HMGA2: variants seen among roughly 807,000 people sequenced by gnomAD.
HMGA2 encodes the protein high mobility group AT-hook 2.
In HMGA2, 8 loss-of-function variants were observed where a neutral mutation model predicts 19.1. The ratio of observed to expected loss-of-function variants is 0.42; its 90% CI spans 0.25 to 0.76. The LOEUF is 0.76. Ranked by LOEUF, HMGA2 falls within the 30% of genes least tolerant of loss-of-function variation. The probability of loss-of-function intolerance (pLI) is 0.28; values close to 1 mark genes in which losing one functional copy is unlikely to be tolerated. For synonymous variants in HMGA2, 60 were observed against 48.8 expected, an observed-to-expected ratio of 1.23 and a Z score of -0.96; for missense variants, 109 against 136.3, an observed-to-expected ratio of 0.80 and a Z score of 1.00.
intron 3 of HMGA2, among the ~76,000 whole-genome samples, chr12:65,855,452 T>TCACACACA (rs1259566976): frequency 7.5e-5 from 8 of 107,140 alleles, no homozygotes; most frequent in African/African-American, 2.9e-4. Flanking sequence ...TCTCTCTCTC[T>TCACACACA]CTCTCTCACA....
chr12:65,944,053 T>G (rs1876178699), intron 3 of HMGA2, among the ~76,000 whole-genome samples: 2 of 152,210 alleles, frequency 1.3e-5, no homozygotes. Context: ...TAGCTGAGTC[T>G]CATCCTCACA....
intron 3 of HMGA2, among the ~76,000 whole-genome samples, chr12:65,890,686 C>G (rs1012547087): frequency 6.6e-6 from 1 of 151,716 alleles, no homozygotes; most frequent in African/African-American, 2.4e-5. Flanking sequence ...TTGGATTAAG[C>G]TGAGATTGAG....
chr12:65,888,333 A>G (rs1873746434), intron 3 of HMGA2, among the ~76,000 whole-genome samples: 3 of 151,214 alleles, frequency 2.0e-5, no homozygotes, highest in African/African-American at 7.3e-5. Context: ...GTGTGCGCCT[A>G]TGATCCCAGC....
chr12:65,832,148 T>C (rs1191936164), intron 2 of HMGA2, among the ~76,000 whole-genome samples: 1 of 151,992 alleles, frequency 6.6e-6, no homozygotes, highest in Non-Finnish European at 1.5e-5. Context: ...TCTTGATATT[T>C]AGGCTGACTT....
chr12:65,921,308 G>A (rs1317864421), intron 3 of HMGA2, among the ~76,000 whole-genome samples: 1 of 152,202 alleles, frequency 6.6e-6, no homozygotes, highest in African/African-American at 2.4e-5. Flanking sequence ...CACCCAGGCT[G>A]GAGTGCAGTG....
At chr12:65,868,146 C>A (rs1361701722) in intron 3 of HMGA2, among the ~76,000 whole-genome samples, 2 of 152,172 alleles carry the variant, frequency 1.3e-5, no homozygotes, top group Non-Finnish European at 2.9e-5. Context: ...AGAGGAGAAT[C>A]TGTTGAATGC....
At chr12:65,842,609 G>A (rs541620268) in intron 3 of HMGA2, 16 of 1,535,336 alleles carry the variant, frequency 1.0e-5, no homozygotes, top group Admixed American at 3.9e-5. Flanking sequence ...TTACATTGCA[G>A]CTTAGAAGCC....
chr12:65,919,756 A>G (rs1875235766), intron 3 of HMGA2, among the ~76,000 whole-genome samples: 1 of 152,246 alleles, frequency 6.6e-6, no homozygotes, highest in Non-Finnish European at 1.5e-5. Flanking sequence ...CAGAATAGCT[A>G]TATGAATCAC....
chr12:65,836,216 G>A (rs549594138), intron 2 of HMGA2, among the ~76,000 whole-genome samples: 193 of 152,104 alleles, frequency 1.3e-3, no homozygotes, highest in Non-Finnish European at 1.9e-3. Context: ...AAAATTAGCC[G>A]GGTGTGGTGG....
Position 65,963,252 on chromosome 12 carries a change from C to T in HMGA2, c.290C>T (p.Thr97Ile). The stretch of plus-strand genomic sequence containing the variant: ...GCCCTTTGTGTGTTCCAGGAGGAAA[C>T]TGAAGAGACATCCTCACAAGAGTCT... The part of the protein sequence containing the change: ...VVQKKPAQEE[T>I]EETSSQESAE... The change falls in exon 5 of 5, where the codon ACT (threonine) becomes ATT (isoleucine). Residue 97 changes from threonine to isoleucine, a missense_variant. Thr to Ile is a moderately conservative substitution (Grantham distance 89). Coordinates refer to ENST00000403681, the MANE Select transcript of HMGA2 (RefSeq NM_003483.6). 6.2e-7 allele frequency: 1 copy of T among 1,613,664 alleles called. No individual in the cohort carries two copies. The highest frequency in any genetic ancestry group is 8.5e-7 in the Non-Finnish European group (1 of 1,179,782).
chr12:65,939,635 T>G (rs1459917599), intron 3 of HMGA2, among the ~76,000 whole-genome samples: 1 of 152,152 alleles, frequency 6.6e-6, no homozygotes. Context: ...GGATTATAGG[T>G]GTGAGACACC....
At chr12:65,904,206 G>C (rs1442669661) in intron 3 of HMGA2, among the ~76,000 whole-genome samples, 1 of 152,210 alleles carries the variant, frequency 6.6e-6, no homozygotes, top group Admixed American at 6.5e-5. Flanking sequence ...TGAGAGGCTG[G>C]GCCTAGAATC....
At chr12:65,929,835 T>C (rs1158687599) in intron 3 of HMGA2, among the ~76,000 whole-genome samples, 1 of 152,190 alleles carries the variant, frequency 6.6e-6, no homozygotes, top group Non-Finnish European at 1.5e-5. Flanking sequence ...AAACTGGTTG[T>C]TTGCCCTTAC....
At chr12:65,955,658 C>A (rs1876585079) in intron 4 of HMGA2, 1 of 152,172 alleles carries the variant, frequency 6.6e-6, no homozygotes, top group Non-Finnish European at 1.5e-5. Context: ...CAGGTATAAA[C>A]CTGCTCCTTT....
At chr12:65,963,084 G>T (rs898067504) in intron 4 of HMGA2, among the ~76,000 whole-genome samples, 161 bp from the exon 5 acceptor site, 2 of 152,014 alleles carry the variant, frequency 1.3e-5, no homozygotes, top group Admixed American at 6.6e-5. Context: ...CCTCAATTAC[G>T]GTTTAAGAAG....
At chr12:65,932,820 T>C (rs1006791048) in intron 3 of HMGA2, among the ~76,000 whole-genome samples, 5 of 152,194 alleles carry the variant, frequency 3.3e-5, no homozygotes, top group African/African-American at 9.7e-5. Context: ...AGGTCTACTG[T>C]CTACAAAATT....
At chr12:65,853,435 T>C (rs1439549199) in intron 3 of HMGA2, among the ~76,000 whole-genome samples, 5 of 152,198 alleles carry the variant, frequency 3.3e-5, no homozygotes, top group Admixed American at 6.5e-5. Flanking sequence ...TATTTAATTA[T>C]GGGGCTGAAA....
intron 3 of HMGA2, among the ~76,000 whole-genome samples, chr12:65,915,961 A>G (rs536737310): frequency 6.6e-6 from 1 of 152,284 alleles, no homozygotes; most frequent in South Asian, 2.1e-4. Flanking sequence ...CTGGAGGGAA[A>G]GGGGGAATGG....
At chr12:65,866,496 G>A (rs975697945) in intron 3 of HMGA2, among the ~76,000 whole-genome samples, 1 of 152,080 alleles carries the variant, frequency 6.6e-6, no homozygotes, top group African/African-American at 2.4e-5. Flanking sequence ...GAGGGTTAGG[G>A]GCTAACTGAG....
Sources: gnomAD v4.1 joint callset for allele counts (sites outside exome capture counted in the v4.1 genomes callset) on GRCh38, gnomAD v4.1.1 for gene constraint, MANE v1.5 for transcripts, NCBI Gene and HGNC (gene_info 2026-07-23, HGNC 2026-07-21) for gene names.